C1orf21: variants seen among roughly 807,000 people sequenced by gnomAD.
The protein encoded by C1orf21 is uncharacterized protein C1orf21.
In C1orf21, 3 loss-of-function variants were observed where a neutral mutation model predicts 18.7. The observed-to-expected ratio is 0.16, with a 90% CI of 0.07 to 0.42. The LOEUF is 0.42. Among genes scored for constraint, C1orf21 ranks in the 10% least tolerant of loss-of-function variants. The probability of loss-of-function intolerance (pLI) is 0.99; values close to 1 mark genes in which losing one functional copy is unlikely to be tolerated. For synonymous variants in C1orf21, 41 were observed against 46.4 expected, an observed-to-expected ratio of 0.88 and a Z score of 0.47; for missense variants, 104 against 143.6, an observed-to-expected ratio of 0.72 and a Z score of 1.41.
At chr1:184,560,565 G>T (rs1019943320) in intron 3 of C1orf21, among the ~76,000 whole-genome samples, 4 of 152,046 alleles carry the variant, frequency 2.6e-5, no homozygotes, top group African/African-American at 9.7e-5. Flanking sequence ...CCCCTTTCTT[G>T]TAAAACCTAA....
chr1:184,612,621 C>T (rs915938953), intron 5 of C1orf21, among the ~76,000 whole-genome samples: 3 of 151,948 alleles, frequency 2.0e-5, no homozygotes, highest in African/African-American at 4.8e-5. Context: ...GCGAAGGTTG[C>T]AGTGAGCCAA....
chr1:184,620,921 T>C lies in C1orf21; in HGVS notation c.*1365T>C, dbSNP rs781577362. The C allele has an allele frequency of 2.6e-5, 4 of 152,630 alleles. No homozygotes were observed. Among genetic ancestry groups the C allele is most frequent in the Non-Finnish European group, 5.9e-5 (4 of 68,044 alleles). The allele number at this position is 152,630 out of a possible 1,614,324, so 9.5% of individuals were successfully genotyped here. ...TGATAGCTTTGACGAGGGTTCTCTT[T>C]GTTACTTTCAGGGGAGGGCATCCTA... On this transcript the variant is annotated 3_prime_UTR_variant, in exon 6 of 6. Transcript: ENST00000235307.
intron 2 of C1orf21, among the ~76,000 whole-genome samples, chr1:184,482,187 C>T (rs909312453): frequency 6.6e-5 from 10 of 152,212 alleles, no homozygotes; most frequent in African/African-American, 2.4e-4. Flanking sequence ...AGTCATGCAG[C>T]TGCATACAGC....
At chr1:184,413,478 G>T (rs923384057) in intron 1 of C1orf21, among the ~76,000 whole-genome samples, 14 of 152,134 alleles carry the variant, frequency 9.2e-5, no homozygotes, top group African/African-American at 3.1e-4. Context: ...ATTTTTTTAG[G>T]TTCATTAATG....
At chr1:184,403,252 C>A (rs1656192246) in intron 1 of C1orf21, among the ~76,000 whole-genome samples, 1 of 152,106 alleles carries the variant, frequency 6.6e-6, no homozygotes, top group Non-Finnish European at 1.5e-5. Context: ...TCATATGAAA[C>A]AATAGTAAGA....
At chr1:184,498,263 AT>A (rs1405773402) in intron 2 of C1orf21, among the ~76,000 whole-genome samples, 1 of 152,166 alleles carries the variant, frequency 6.6e-6, no homozygotes, top group African/African-American at 2.4e-5. Flanking sequence ...TTATCTGAGA[AT>A]TTTTCATTCA....
chr1:184,505,342 C>CACATAT (rs1658043578), intron 2 of C1orf21, among the ~76,000 whole-genome samples: 1 of 85,770 alleles, frequency 1.2e-5, no homozygotes, highest in African/African-American at 5.3e-5. Context: ...TATATATATA[C>CACATAT]ACACATGCCA....
intron 3 of C1orf21, among the ~76,000 whole-genome samples, chr1:184,554,308 A>C (rs1394672404): frequency 6.6e-6 from 1 of 152,226 alleles, no homozygotes. Context: ...GATATAACCC[A>C]AGGAAGCACC....
intron 3 of C1orf21, among the ~76,000 whole-genome samples, chr1:184,571,188 T>G (rs1284745550): frequency 6.7e-6 from 1 of 149,184 alleles, no homozygotes; most frequent in Non-Finnish European, 1.5e-5. Flanking sequence ...TCCCAGCTAC[T>G]TGGGAGGCTG....
intron 4 of C1orf21, among the ~76,000 whole-genome samples, chr1:184,593,605 C>A (rs900437369): frequency 6.6e-5 from 10 of 150,504 alleles, no homozygotes; most frequent in African/African-American, 2.5e-4. Flanking sequence ...CTTCAGTTTT[C>A]TCAGAGAGAG....
chr1:184,479,721 G>T (rs1657626490), intron 2 of C1orf21, among the ~76,000 whole-genome samples: 1 of 142,386 alleles, frequency 7.0e-6, no homozygotes, highest in African/African-American at 2.6e-5. Context: ...CTGGGCTCAA[G>T]TGATCCTCTC....
intron 3 of C1orf21, among the ~76,000 whole-genome samples, chr1:184,522,599 C>G (rs1658320257): frequency 6.6e-6 from 1 of 152,068 alleles, no homozygotes; most frequent in Non-Finnish European, 1.5e-5. Context: ...GTGACCAAAG[C>G]TGAAATAATT....
chr1:184,477,617 AACTTG>A lies in C1orf21; in HGVS notation c.94+18_94+22del. 1 of 1,609,112 alleles carries A rather than the reference AACTTG, an allele frequency of 6.2e-7. No homozygotes were observed. The highest frequency in any genetic ancestry group is 8.5e-7 in the Non-Finnish European group (1 of 1,175,852). ...ATGTGTTTGGCGGTGAGTCCTATCA[AACTTG>A]ACTCTTGACCCATTGATTCTAGGCC... is the stretch of plus-strand genomic sequence containing the variant. On this transcript the variant is annotated intron_variant, in intron 2 of 5. Coordinates refer to ENST00000235307, the MANE Select transcript of C1orf21 (RefSeq NM_030806.4).
Position 184,627,688 on chromosome 1 carries a change from A to G in C1orf21, c.*8132A>G, listed in dbSNP as rs1660039021. 6.6e-6 allele frequency: 1 copy of G among 152,214 alleles called. No homozygotes were observed. Among genetic ancestry groups the G allele is most frequent in the Non-Finnish European group, 1.5e-5 (1 of 68,034 alleles). The allele number at this position is 152,214 out of a possible 1,614,324, so 9.4% of individuals were successfully genotyped here. A position where few individuals can be genotyped will look rare whatever the true frequency, so the allele number is the denominator to read the frequency against. On this transcript the variant is annotated 3_prime_UTR_variant, in exon 6 of 6. Coordinates refer to ENST00000235307, the MANE Select transcript of C1orf21 (RefSeq NM_030806.4). The stretch of plus-strand genomic sequence containing the variant: ...AGCGATGCCCACTCGGATATTCCGC[A>G]GGCCCAGGTGTTTAGATTAGAATTT...
At chr1:184,604,243 G>A (rs1269751269) in intron 5 of C1orf21, among the ~76,000 whole-genome samples, 2 of 152,140 alleles carry the variant, frequency 1.3e-5, no homozygotes, top group African/African-American at 4.8e-5. Flanking sequence ...GACCTGCTTA[G>A]TGCCCACCAA....
At chr1:184,529,662 G>T (rs1658429479) in intron 3 of C1orf21, among the ~76,000 whole-genome samples, 1 of 152,112 alleles carries the variant, frequency 6.6e-6, no homozygotes, top group African/African-American at 2.4e-5. Flanking sequence ...ATAAGAAGAT[G>T]GACAAAGAGC....
At chr1:184,488,433 C>A (rs770785137) in intron 2 of C1orf21, among the ~76,000 whole-genome samples, 2 of 152,106 alleles carry the variant, frequency 1.3e-5, no homozygotes, top group African/African-American at 4.8e-5. Flanking sequence ...GAGTAAAGCA[C>A]CATGAGAGGG....
intron 3 of C1orf21, among the ~76,000 whole-genome samples, chr1:184,579,574 G>A (rs569206897): frequency 5.7e-5 from 8 of 140,176 alleles, no homozygotes; most frequent in Non-Finnish European, 9.2e-5. Context: ...GCAGTGGCAC[G>A]ATCTCAGCTC....
At chr1:184,553,793 G>A (rs904866016) in intron 3 of C1orf21, among the ~76,000 whole-genome samples, 3 of 152,176 alleles carry the variant, frequency 2.0e-5, no homozygotes, top group Non-Finnish European at 4.4e-5. Context: ...GAGTAGAAGA[G>A]AAAAGATCTT....
Sources: gnomAD v4.1 joint callset for allele counts (sites outside exome capture counted in the v4.1 genomes callset) on GRCh38, gnomAD v4.1.1 for gene constraint, MANE v1.5 for transcripts, NCBI Gene and HGNC (gene_info 2026-07-23, HGNC 2026-07-21) for gene names.